Variants in SUSD4 observed in about 807,000 individuals in gnomAD.
SUSD4 encodes sushi domain containing 4.
SUSD4 carries 41 observed loss-of-function variants against 50.5 expected under a neutral mutation model. The observed-to-expected ratio is 0.81, with a 90% confidence interval of 0.63 to 1.05. The LOEUF is 1.05. Ranked by LOEUF, SUSD4 falls within the 50% of genes least tolerant of loss-of-function variation. The pLI is 0.00. For synonymous variants in SUSD4, 257 were observed against 257.3 expected (o/e 1.00, Z 0.01); for missense variants, 580 against 634.7 (o/e 0.91, Z 0.93).
chr1:223,295,198 G>C (rs375466509), intron 2 of SUSD4, among the ~76,000 whole-genome samples: 23 of 152,218 alleles, frequency 1.5e-4, no homozygotes, highest in African/African-American at 4.1e-4. Flanking sequence ...CATAGCTAGG[G>C]CCAAGTATAA....
Position 223,255,446 on chromosome 1 carries a change from C to T in SUSD4, c.724+9184G>A, listed in dbSNP as rs771391020. ...CTCAAGTTCCTAAGGAGGCAGAACC[C>T]GATGTATGATTTTCATATTTCACGC... On this transcript the variant is annotated intron_variant, in intron 5 of 8. Transcript: ENST00000366878. 2.6e-5 allele frequency among the ~76,000 whole-genome samples: 4 copies of T among 152,060 alleles called. No individual in the cohort carries two copies. In the South Asian group the frequency reaches 8.3e-4, roughly 32 times the overall value.
chr1:223,360,237 T>C, intron 2 of SUSD4: 1 of 470,720 alleles, frequency 2.1e-6, no homozygotes, highest in Non-Finnish European at 4.4e-6. Context: ...AACTCTTGGC[T>C]CTCTTCCTTG....
intron 5 of SUSD4, among the ~76,000 whole-genome samples, chr1:223,258,522 G>T (rs851198): frequency 6.6e-6 from 1 of 151,824 alleles, no homozygotes; most frequent in African/African-American, 2.4e-5. Context: ...AATGGGGCTG[G>T]GGGGAGTCAC....
intron 3 of SUSD4, among the ~76,000 whole-genome samples, chr1:223,288,302 TTTGC>T (rs746192338): frequency 6.6e-6 from 1 of 152,226 alleles, no homozygotes; most frequent in Non-Finnish European, 1.5e-5. Flanking sequence ...TATGCCGTAC[TTTGC>T]TTCCCCTTCG....
rs538867105 is a variant in SUSD4, at chr1:223,291,299, C to T, written c.361+1140G>A. Among the ~76,000 whole-genome samples the T allele has an allele frequency of 5.3e-5, 8 of 151,870 alleles. 1 individual carries two copies. The highest frequency in any genetic ancestry group is 1.7e-4 in the African/African-American group (7 of 41,412). ...CATGAGCTCAGGAGTTTGAGACTAA[C>T]CTGGGCAACATGGTGAAACCTCATC... On this transcript the variant is annotated intron_variant, in intron 3 of 8. Transcript: ENST00000366878.
chr1:223,357,861 G>C (rs529757046), intron 2 of SUSD4, among the ~76,000 whole-genome samples: 1 of 152,216 alleles, frequency 6.6e-6, no homozygotes, highest in African/African-American at 2.4e-5. Flanking sequence ...GGTGAAGCAG[G>C]ACCATATTTG....
intron 7 of SUSD4, among the ~76,000 whole-genome samples, chr1:223,225,726 C>G (rs957386645): frequency 6.6e-6 from 1 of 152,166 alleles, no homozygotes; most frequent in African/African-American, 2.4e-5. Context: ...TGAGCAGACG[C>G]CTCTCTTCTC....
intron 2 of SUSD4, among the ~76,000 whole-genome samples, chr1:223,335,909 C>A (rs1647366734): frequency 6.6e-6 from 1 of 151,856 alleles, no homozygotes; most frequent in South Asian, 2.1e-4. Flanking sequence ...ATTTTTAATT[C>A]TTTGGTCGAT....
At chr1:223,280,553 T>G (rs1456757010) in intron 3 of SUSD4, among the ~76,000 whole-genome samples, 1 of 152,196 alleles carries the variant, frequency 6.6e-6, no homozygotes. Context: ...TAAATATACA[T>G]GCACGCAATA....
chr1:223,241,664 C>G (rs1288745056), intron 5 of SUSD4, among the ~76,000 whole-genome samples: 3 of 152,114 alleles, frequency 2.0e-5, no homozygotes, highest in Non-Finnish European at 4.4e-5. Flanking sequence ...AACTGAAAGT[C>G]CCCCCAAAGG....
chr1:223,329,131 G>A (rs999589257), intron 2 of SUSD4, among the ~76,000 whole-genome samples: 1 of 152,010 alleles, frequency 6.6e-6, no homozygotes, highest in African/African-American at 2.4e-5. Flanking sequence ...CCTCTCTGTG[G>A]GTAATTCTCA....
In SUSD4 at chr1:223,223,349, C is replaced by T. The variant is rs1659259509; in HGVS notation, c.1344G>A (p.Arg448=). 6.2e-7 allele frequency: 1 copy of T among 1,612,634 alleles called. No individual in the cohort carries two copies. The change falls in exon 8 of 9, where the codon AGG becomes AGA. Residue 448 remains arginine, a synonymous_variant. Coordinates refer to ENST00000366878, the MANE Select transcript of SUSD4 (RefSeq NM_017982.4). ...ELLQSLYSPP[R]CQESTHPASD... The stretch of plus-strand genomic sequence containing the variant: ...AAGCAGGGTGGGTGCTCTCTTGGCA[C>T]CTGGGAGGTGAATACAGACTTTGGA...
intron 5 of SUSD4, among the ~76,000 whole-genome samples, chr1:223,241,327 C>T (rs1660568758): frequency 6.6e-6 from 1 of 152,166 alleles, no homozygotes; most frequent in Non-Finnish European, 1.5e-5. Context: ...TATGGAGGCC[C>T]CCCATGACTG....
chr1:223,295,874 G>A (rs1007276302), intron 2 of SUSD4, among the ~76,000 whole-genome samples: 5 of 152,004 alleles, frequency 3.3e-5, no homozygotes, highest in African/African-American at 1.2e-4. Flanking sequence ...GTTTGAGCAG[G>A]GAAGTGATTA....
At chr1:223,245,227 T>A (rs1660837607) in intron 5 of SUSD4, among the ~76,000 whole-genome samples, 1 of 151,454 alleles carries the variant, frequency 6.6e-6, no homozygotes. Flanking sequence ...ACTTGTATTA[T>A]GTGTTTGTCT....
chr1:223,227,532 C>A lies in SUSD4; in HGVS notation c.1061+62G>T. On this transcript the variant is annotated intron_variant, in intron 7 of 8. Transcript: ENST00000366878. The surrounding 1 kb of genome is among the most constrained non-coding windows in gnomAD (Gnocchi z 4.5). ...TTTCACTCATCACTTTCTCCCTCTGCTGCTAAGGGTAGCTGCATTGAGTCA... is the reference window on the plus strand; with the variant it reads ...TTTCACTCATCACTTTCTCCCTCTGATGCTAAGGGTAGCTGCATTGAGTCA... 6.3e-7 allele frequency: 1 copy of A among 1,577,412 alleles called. No individual in the cohort carries two copies. The highest frequency in any genetic ancestry group is 8.7e-7 in the Non-Finnish European group (1 of 1,154,952).
chr1:223,310,563 T>C (rs1665813723), intron 2 of SUSD4, among the ~76,000 whole-genome samples: 1 of 152,224 alleles, frequency 6.6e-6, no homozygotes, highest in South Asian at 2.1e-4. Context: ...GATTCTTTTT[T>C]GAGGGAATAC....
Position 223,292,450 on chromosome 1 carries a change from C to T in SUSD4, c.350G>A (p.Cys117Tyr). Residue 117 changes from cysteine (C) to tyrosine (Y), a missense_variant, in exon 3 of 9, where the codon TGT (cysteine) becomes TAT (tyrosine). Physicochemically the swap from Cys to Tyr is radical, Grantham distance 194. Coordinates refer to ENST00000366878, the MANE Select transcript of SUSD4 (RefSeq NM_017982.4). ...LGWIPSDNSI[C>Y]VQEDCRIPQI... ...AGTAAGCACTTTACCTTCTTGCACA[C>T]AGATGGAATTATCACTTGGGATCCA... 1.9e-6 allele frequency: 3 copies of T among 1,614,134 alleles called. No homozygotes were observed. The highest frequency in any genetic ancestry group is 2.5e-6 in the Non-Finnish European group (3 of 1,180,016).
At chr1:223,292,997 T>G (rs1664596464) in intron 2 of SUSD4, among the ~76,000 whole-genome samples, 1 of 152,138 alleles carries the variant, frequency 6.6e-6, no homozygotes, top group African/African-American at 2.4e-5. Context: ...TGGGAGGGAT[T>G]CAAGGAGATG....
Sources: allele counts gnomAD v4.1 joint callset (sites outside exome capture counted in the v4.1 genomes callset), GRCh38; gene constraint gnomAD v4.1.1; non-coding constraint Gnocchi (gnomAD v3.1); transcripts MANE v1.5; gene names NCBI Gene and HGNC (gene_info 2026-07-23, HGNC 2026-07-21).